Variants in MARCHF10 observed in about 807,000 individuals in gnomAD.
MARCHF10 encodes membrane associated ring-CH-type finger 10, also known as probable E3 ubiquitin-protein ligase MARCHF10.
MARCHF10 carries 64 observed loss-of-function variants against 76.2 expected under a neutral mutation model. The observed-to-expected ratio is 0.84, with a 90% confidence interval of 0.69 to 1.03. The LOEUF is 1.03. Among genes scored for constraint, MARCHF10 ranks in the 50% least tolerant of loss-of-function variants. The pLI is 0.00. For synonymous variants in MARCHF10, 340 were observed against 357.5 expected (o/e 0.95, Z 0.55); for missense variants, 875 against 958.0 (o/e 0.91, Z 1.14).
chr17:62,775,510 G>C (rs989506429), intron 3 of MARCHF10, among the ~76,000 whole-genome samples: 1 of 151,964 alleles, frequency 6.6e-6, no homozygotes, highest in South Asian at 2.1e-4. Flanking sequence ...AGCCACTCGG[G>C]GGGGGGCGTG....
intron 5 of MARCHF10, among the ~76,000 whole-genome samples, chr17:62,741,174 T>C (rs1332275466): frequency 2.0e-5 from 3 of 152,202 alleles, no homozygotes; most frequent in Non-Finnish European, 4.4e-5. Flanking sequence ...TTTAAGAACA[T>C]GATATTAATT....
chr17:62,786,867 C>T (rs559704330), intron 3 of MARCHF10, among the ~76,000 whole-genome samples: 51 of 152,292 alleles, frequency 3.3e-4, no homozygotes, highest in African/African-American at 1.2e-3. Flanking sequence ...TGAAAGTTCC[C>T]TGCAGAGGCA....
Position 62,711,417 on chromosome 17 carries a change from A to G in MARCHF10, c.2215-73T>C, listed in dbSNP as rs1599046936. The G allele has an allele frequency of 7.0e-7, 1 of 1,425,320 alleles. No individual in the cohort carries two copies. The highest frequency in any genetic ancestry group is 2.4e-5 in the East Asian group (1 of 42,510). 88.3% of individuals were successfully genotyped at this position (1,425,320 alleles called of 1,614,324 possible). A position where few individuals can be genotyped will look rare whatever the true frequency, so the allele number is the denominator to read the frequency against. ...GGTCTAAATTGTGGGATGCAGGGTA[A>G]CAAGGCTAAGAGGTGACAAGAACTG... On this transcript the variant is annotated intron_variant, in intron 8 of 10. Coordinates refer to ENST00000311269, the MANE Select transcript of MARCHF10 (RefSeq NM_152598.4). The surrounding 1 kb of genome is among the most constrained non-coding windows in gnomAD (Gnocchi z 4.4).
chr17:62,728,305 G>C (rs1413895692), intron 6 of MARCHF10, among the ~76,000 whole-genome samples: 1 of 152,158 alleles, frequency 6.6e-6, no homozygotes, highest in African/African-American at 2.4e-5. Context: ...ACTGTGGGGA[G>C]TGAGCCACTG....
At chr17:62,797,307 C>T (rs1388233675) in intron 2 of MARCHF10, among the ~76,000 whole-genome samples, 6 of 152,128 alleles carry the variant, frequency 3.9e-5, no homozygotes, top group South Asian at 2.1e-4. Flanking sequence ...CGGGTTCAAG[C>T]GATTCTCCTG....
At chr17:62,771,339 C>T (rs187198496) in intron 3 of MARCHF10, among the ~76,000 whole-genome samples, 4 of 151,294 alleles carry the variant, frequency 2.6e-5, no homozygotes, top group East Asian at 2.0e-4. Flanking sequence ...TCAGGCATGG[C>T]GGGAGGGGGT....
At chr17:62,752,658 T>TG (rs2091931096) in intron 4 of MARCHF10, among the ~76,000 whole-genome samples, 1 of 150,520 alleles carries the variant, frequency 6.6e-6, no homozygotes, top group Admixed American at 6.6e-5. Flanking sequence ...TTAATAGAGA[T>TG]GGGGTCTTGC....
rs140009989 is a variant in MARCHF10 at position 62,714,586 on chromosome 17, C to T, written c.2215-3242G>A. ...TGTGCATGCTTTATAAATATATGCA[C>T]AGATGAAGCAATGAGAAAAAAATGC... On this transcript the variant is annotated intron_variant, in intron 8 of 10. Transcript: ENST00000311269. 1.8e-3 allele frequency among the ~76,000 whole-genome samples: 278 copies of T among 152,248 alleles called. 3 individuals are homozygous for T. Among genetic ancestry groups the T allele is most frequent in the African/African-American group, 6.3e-3 (263 of 41,532 alleles).
chr17:62,802,411 G>A (rs2093089576), intron 1 of MARCHF10, among the ~76,000 whole-genome samples: 1 of 152,006 alleles, frequency 6.6e-6, no homozygotes, highest in Admixed American at 6.6e-5. Context: ...GTAGAGACAG[G>A]GTTTCATCGT....
At chr17:62,755,839 T>G (rs1463028638) in intron 4 of MARCHF10, among the ~76,000 whole-genome samples, 1 of 152,176 alleles carries the variant, frequency 6.6e-6, no homozygotes, top group East Asian at 1.9e-4. Flanking sequence ...CTGAGCTGGG[T>G]GCTGTGGCTC....
intron 3 of MARCHF10, among the ~76,000 whole-genome samples, chr17:62,766,787 T>C (rs983953337): frequency 3.3e-5 from 5 of 152,218 alleles, no homozygotes; most frequent in African/African-American, 1.2e-4. Flanking sequence ...GCGCCTATTA[T>C]GTCTTTAACA....
At chr17:62,804,294 C>T (rs921503253) in intron 1 of MARCHF10, among the ~76,000 whole-genome samples, 2 of 152,100 alleles carry the variant, frequency 1.3e-5, no homozygotes, top group Admixed American at 6.5e-5. Context: ...GGCTCTGGAG[C>T]TGACCGGAGA....
intron 4 of MARCHF10, among the ~76,000 whole-genome samples, chr17:62,745,103 T>G (rs114403544): frequency 0.07 from 10,630 of 151,402 alleles, 807 homozygotes; most frequent in African/African-American, 0.19. Context: ...TTTTGTCTTT[T>G]TTTCTTTTTT....
rs185792462 is a variant in MARCHF10, at chr17:62,755,104, C to G, written c.382+4731G>C. Among the ~76,000 whole-genome samples, 20 of 152,272 alleles carry G rather than the reference C, an allele frequency of 1.3e-4. 1 individual carries two copies. The East Asian group carries it at 3.5e-3, about 26-fold the overall frequency. On this transcript the variant is annotated intron_variant, in intron 4 of 10. Transcript: ENST00000311269. ...TCTTCTTACTCCTGCAAATCTGAAC[C>G]CAGTAATGACTAACATTGCACCCAA...
chr17:62,711,179 G>T lies in MARCHF10; in HGVS notation c.2328+52C>A. The T allele has an allele frequency of 1.3e-6, 2 of 1,484,592 alleles. No homozygotes were observed. Among genetic ancestry groups the T allele is most frequent in the Non-Finnish European group, 1.9e-6 (2 of 1,063,356 alleles). 92.0% of individuals were successfully genotyped at this position (1,484,592 alleles called of 1,614,324 possible). ...GCTTGCACATCTAATAAACAGCACTGCAGGGTTTTCAGGGCTGCCACCGGA... is the reference window on the plus strand; with the variant it reads ...GCTTGCACATCTAATAAACAGCACTTCAGGGTTTTCAGGGCTGCCACCGGA... On this transcript the variant is annotated intron_variant, in intron 9 of 10. Coordinates refer to ENST00000311269, the MANE Select transcript of MARCHF10 (RefSeq NM_152598.4). The surrounding 1 kb of genome is among the most constrained non-coding windows in gnomAD (Gnocchi z 4.4).
rs371345442 is a variant in MARCHF10, at chr17:62,788,548, C to A, written c.142G>T (p.Asp48Tyr). 1.2e-6 allele frequency: 2 copies of A among 1,614,104 alleles called. No individual in the cohort carries two copies. Among genetic ancestry groups the A allele is most frequent in the Non-Finnish European group, 8.5e-7 (1 of 1,179,996 alleles). The part of the protein sequence containing the change: ...YRRDPNEKKR[D>Y]QFWGQETSFE... ...CTTGTCTCTTGCCCCCAAAACTGAT[C>A]GCGTTTCTTCTCATTTGGGTCTCTT... The change falls in exon 3 of 11, where the codon GAT (aspartate) becomes TAT (tyrosine). Residue 48 changes from aspartate to tyrosine, a missense_variant. Asp to Tyr is a radical substitution (Grantham distance 160, BLOSUM62 -3). Coordinates refer to ENST00000311269, the MANE Select transcript of MARCHF10 (RefSeq NM_152598.4).
chr17:62,709,813 C>T (rs1458719125), intron 9 of MARCHF10, among the ~76,000 whole-genome samples: 2 of 136,374 alleles, frequency 1.5e-5, no homozygotes, highest in African/African-American at 6.2e-5. Context: ...GCGGTGGCAC[C>T]AATCATGGCT....
chr17:62,725,365 G>C (rs1211187273), intron 6 of MARCHF10, among the ~76,000 whole-genome samples: 1 of 152,120 alleles, frequency 6.6e-6, no homozygotes, highest in African/African-American at 2.4e-5. Flanking sequence ...CTCAGGCTCT[G>C]GTGATCCTCC....
intron 8 of MARCHF10, among the ~76,000 whole-genome samples, chr17:62,713,097 C>T (rs1051577052): frequency 1.3e-5 from 2 of 152,140 alleles, no homozygotes; most frequent in Non-Finnish European, 2.9e-5. Flanking sequence ...TCTGTGCCTG[C>T]CTCCGACTGT....
Sources: gnomAD v4.1 joint callset for allele counts (sites outside exome capture counted in the v4.1 genomes callset) on GRCh38, gnomAD v4.1.1 for gene constraint, Gnocchi (gnomAD v3.1) non-coding constraint, MANE v1.5 for transcripts, NCBI Gene and HGNC (gene_info 2026-07-23, HGNC 2026-07-21) for gene names.